Variants in EDA observed in about 807,000 individuals in gnomAD.
The protein encoded by EDA is ectodysplasin A.
EDA carries 2 observed loss-of-function variants against 23.6 expected under a neutral mutation model. The ratio of observed to expected loss-of-function variants is 0.08; its 90% CI spans 0.03 to 0.27. The LOEUF (loss-of-function observed/expected upper bound fraction) is 0.27. EDA is among the 10% of genes least tolerant of loss of function. EDA has a pLI of 1.00. For synonymous variants in EDA, 131 were observed against 132.0 expected, an observed-to-expected ratio of 0.99 and a Z score of 0.05; for missense variants, 229 against 324.2, an observed-to-expected ratio of 0.71 and a Z score of 2.26.
chrX:69,926,907 A>G (rs2018526525), intron 1 of EDA, among the ~76,000 whole-genome samples: 1 of 111,469 alleles, frequency 9.0e-6, no homozygotes, highest in East Asian at 2.8e-4. Flanking sequence ...CCGTTTTGTA[A>G]TACCCTTCTT....
rs1338341610 is a variant in EDA at position 69,910,370 on chromosome X, A to AGT, written c.397-46656_397-46655insTG. On this transcript the variant is annotated intron_variant, in intron 1 of 7. Transcript: ENST00000374552. ...GTAAAGGAGAGAGAGAGAGAGAGAG[A>AGT]GAGAGTGTGTGTGTGTGTGTGTGTG... is the stretch of plus-strand genomic sequence containing the variant. Among the ~76,000 whole-genome samples, 12 of 46,150 alleles carry AGT rather than the reference A, an allele frequency of 2.6e-4. No homozygotes were observed. The South Asian group carries it at 3.8e-3, about 15-fold the overall frequency. 40.1% of individuals were successfully genotyped at this position (46,150 alleles called of 115,157 possible).
chrX:69,913,781 A>G (rs1452457281), intron 1 of EDA, among the ~76,000 whole-genome samples: 3 of 111,583 alleles, frequency 2.7e-5, no homozygotes, highest in Non-Finnish European at 3.8e-5. Context: ...TTGATTTAAC[A>G]TGAGAGTTGT....
chrX:69,891,564 A>G (rs1233498086), intron 1 of EDA, among the ~76,000 whole-genome samples: 1 of 101,675 alleles, frequency 9.8e-6, no homozygotes, highest in Admixed American at 1.1e-4. Context: ...CATATACACT[A>G]TGGAATACTA....
At chrX:69,989,137 C>T (rs112298205) in intron 2 of EDA, among the ~76,000 whole-genome samples, 5,020 of 111,598 alleles carry the variant, frequency 0.045, 281 homozygotes, top group African/African-American at 0.15. Flanking sequence ...ATTGGCAATC[C>T]GCTTCTCCCC....
At chrX:69,758,569 C>T (rs1569321256) in intron 1 of EDA, among the ~76,000 whole-genome samples, 1 of 112,480 alleles carries the variant, frequency 8.9e-6, no homozygotes, top group Non-Finnish European at 1.9e-5. Context: ...CGTGGTGGCT[C>T]ACGCCTGTAA....
intron 1 of EDA, among the ~76,000 whole-genome samples, chrX:69,657,076 C>T (rs1933343677): frequency 8.9e-6 from 1 of 112,163 alleles, no homozygotes; most frequent in African/African-American, 3.2e-5. Context: ...AGTCTTCTAA[C>T]TGCATTTCAC....
chrX:69,968,048 T>C (rs2019198705), intron 2 of EDA, among the ~76,000 whole-genome samples: 1 of 111,805 alleles, frequency 8.9e-6, no homozygotes, highest in Non-Finnish European at 1.9e-5. Flanking sequence ...TGGAAGACAC[T>C]GTGTTATATT....
intron 1 of EDA, among the ~76,000 whole-genome samples, chrX:69,828,357 G>A (rs180696343): frequency 1.2e-4 from 14 of 112,364 alleles, no homozygotes; most frequent in Admixed American, 1.9e-4. Flanking sequence ...GCGAGACTCC[G>A]TGGGCGTAGG....
At chrX:69,673,249 A>G (rs949715844) in intron 1 of EDA, among the ~76,000 whole-genome samples, 3 of 111,882 alleles carry the variant, frequency 2.7e-5, no homozygotes, top group Non-Finnish European at 5.6e-5. Flanking sequence ...ATAGGGAGAA[A>G]GTAGAGGAAG....
intron 2 of EDA, among the ~76,000 whole-genome samples, chrX:69,980,900 G>C (rs1198851399): frequency 8.9e-6 from 1 of 111,957 alleles, no homozygotes; most frequent in Non-Finnish European, 1.9e-5. Context: ...TGCCCCTCTG[G>C]GCAGGTGTTC....
At chrX:70,019,953 G>T (rs1422167089) in intron 2 of EDA, among the ~76,000 whole-genome samples, 1 of 111,568 alleles carries the variant, frequency 9.0e-6, no homozygotes, top group Non-Finnish European at 1.9e-5. Context: ...CATGTCATGG[G>T]CATTTTAGGG....
intron 1 of EDA, among the ~76,000 whole-genome samples, chrX:69,879,496 G>T (rs1450277273): frequency 8.9e-6 from 1 of 111,777 alleles, no homozygotes; most frequent in Non-Finnish European, 1.9e-5. Flanking sequence ...CCTCCAACAG[G>T]AGAGAAAGTT....
In EDA at chrX:70,015,106, A is replaced by C. The variant is rs2019927984; in HGVS notation, c.503-8112A>C. ...ACTGTACAAGACAACCATCCCCAAG[A>C]CACATAGTCATCAGATTCTCCAAGG... is the stretch of plus-strand genomic sequence containing the variant. On this transcript the variant is annotated intron_variant, in intron 2 of 7. Transcript: ENST00000374552. 1.8e-5 allele frequency among the ~76,000 whole-genome samples: 2 copies of C among 111,664 alleles called. 1 individual carries two copies. The highest frequency in any genetic ancestry group is 7.6e-4 in the South Asian group (2 of 2,628).
chrX:69,803,095 G>A (rs1360697439), intron 1 of EDA, among the ~76,000 whole-genome samples: 1 of 110,955 alleles, frequency 9.0e-6, no homozygotes, highest in Non-Finnish European at 1.9e-5. Context: ...ATGGGTGGCT[G>A]AAATAATTAT....
chrX:69,721,650 C>T (rs1472780938), intron 1 of EDA, among the ~76,000 whole-genome samples: 1 of 110,821 alleles, frequency 9.0e-6, no homozygotes, highest in Non-Finnish European at 1.9e-5. Flanking sequence ...GGAATGAGCC[C>T]ACGTGGGCTG....
chrX:69,658,006 A>G (rs2147251450), intron 1 of EDA, among the ~76,000 whole-genome samples: 1 of 111,521 alleles, frequency 9.0e-6, no homozygotes, highest in African/African-American at 3.3e-5. Flanking sequence ...TCTGTGAAAA[A>G]TGATATTGGT....
intron 1 of EDA, among the ~76,000 whole-genome samples, chrX:69,758,633 AG>A (rs1435968391): frequency 6.2e-5 from 7 of 112,214 alleles, no homozygotes; most frequent in Non-Finnish European, 1.1e-4. Context: ...CAGGAGTTCA[AG>A]ACCAGTCTGG....
At chrX:69,681,517 G>A (rs1351805495) in intron 1 of EDA, among the ~76,000 whole-genome samples, 52 of 110,886 alleles carry the variant, frequency 4.7e-4, no homozygotes, top group African/African-American at 1.4e-3. Flanking sequence ...GGCTTTGCTC[G>A]TTTCTTTTTA....
At chrX:69,764,562 C>T (rs1459369811) in intron 1 of EDA, among the ~76,000 whole-genome samples, 1 of 110,602 alleles carries the variant, frequency 9.0e-6, no homozygotes, top group Non-Finnish European at 1.9e-5. Flanking sequence ...TTCTTGATGC[C>T]TTCTGTCCTT....
Sources: gnomAD v4.1 joint callset for allele counts (sites outside exome capture counted in the v4.1 genomes callset) on GRCh38, gnomAD v4.1.1 for gene constraint, MANE v1.5 for transcripts, NCBI Gene and HGNC (gene_info 2026-07-23, HGNC 2026-07-21) for gene names.